Variants in EVC observed in about 807,000 individuals in gnomAD.
The protein encoded by EVC is EvC ciliary complex subunit 1.
A neutral mutation model predicts 118.9 loss-of-function variants in EVC; 116 were observed. The ratio of observed to expected loss-of-function variants is 0.98; its 90% confidence interval spans 0.84 to 1.14. The LOEUF (loss-of-function observed/expected upper bound fraction) is 1.14, where lower values mean the gene tolerates loss of function less well. Ranked by LOEUF, EVC falls within the 50% of genes most tolerant of loss-of-function variation. EVC has a pLI of 0.00. For synonymous variants in EVC, 619 were observed against 534.7 expected (o/e 1.16, Z -2.18); for missense variants, 1,401 against 1,246.4 (o/e 1.12, Z -1.87).
chr4:5,799,376 CTCG>C (rs1208211327), intron 15 of EVC, among the ~76,000 whole-genome samples: 1 of 152,194 alleles, frequency 6.6e-6, no homozygotes, highest in Non-Finnish European at 1.5e-5. Context: ...TTCTTCCTAC[CTCG>C]TCTTGTTGGA....
At chr4:5,806,648 C>T (rs1394550406) in intron 17 of EVC, among the ~76,000 whole-genome samples, 1 of 152,132 alleles carries the variant, frequency 6.6e-6, no homozygotes, top group Non-Finnish European at 1.5e-5. Flanking sequence ...ATGCAATGAA[C>T]ACACGAGAGC....
chr4:5,729,409 A>G lies in EVC; in HGVS notation c.384+19A>G, dbSNP rs200666993. The G allele has an allele frequency of 9.9e-6, 16 of 1,611,294 alleles. No homozygotes were observed. The highest frequency in any genetic ancestry group is 2.2e-5 in the East Asian group (1 of 44,856). On this transcript the variant is annotated intron_variant, in intron 3 of 20. Transcript: ENST00000264956. ...GTTCCGGGTGAGAGTCCTGAGCTCC[A>G]TCATAGAAAGCCAGTTACTTCCGTC...
In EVC at chr4:5,814,000, T is replaced by G. The variant is rs985305545; in HGVS notation, c.*2963T>G. 5 of 152,238 alleles carry G rather than the reference T, an allele frequency of 3.3e-5. No homozygotes were observed. The highest frequency in any genetic ancestry group is 5.9e-5 in the Non-Finnish European group (4 of 68,048). 9.4% of individuals were successfully genotyped at this position (152,238 alleles called of 1,614,324 possible). ...CTGATTAAAATGAGATATGGCTATT[T>G]GGAAGACACTGCATTTTAGCCAGTG... On this transcript the variant is annotated 3_prime_UTR_variant, in exon 21 of 21. Transcript: ENST00000264956.
chr4:5,798,301 C>T lies in EVC; in HGVS notation c.2098-285C>T, dbSNP rs926090763. Among the ~76,000 whole-genome samples, 4 of 152,142 alleles carry T rather than the reference C, an allele frequency of 2.6e-5. No individual in the cohort carries two copies. Among genetic ancestry groups the T allele is most frequent in the Non-Finnish European group, 5.9e-5 (4 of 68,034 alleles). On this transcript the variant is annotated intron_variant, in intron 14 of 20. Coordinates refer to ENST00000264956, the MANE Select transcript of EVC (RefSeq NM_153717.3). This position sits in a 1 kb window ranked among gnomAD's most constrained non-coding sequence, Gnocchi z 4.1. Reference sequence around the variant, plus strand: ...GCTAGTGTTCAGGTCTCATGATGTTCTAGAAGGATGAGCAAGGCCCCCCAT... The same window carrying T: ...GCTAGTGTTCAGGTCTCATGATGTTTTAGAAGGATGAGCAAGGCCCCCCAT...
At chr4:5,794,652 C>T (rs1232217183) in intron 13 of EVC, among the ~76,000 whole-genome samples, 2 of 151,830 alleles carry the variant, frequency 1.3e-5, no homozygotes, top group South Asian at 4.2e-4. Context: ...CTCAAATGAT[C>T]TACCCACCTC....
intron 2 of EVC, among the ~76,000 whole-genome samples, chr4:5,728,736 G>A (rs1726274336): frequency 6.6e-6 from 1 of 152,184 alleles, no homozygotes. Flanking sequence ...ACTCTTGTGT[G>A]TGAATATGAC....
downstream of EVC, among the ~76,000 whole-genome samples, chr4:5,816,658 TCCTTCCCCTCTCTCCCTTCCCTCCC>T (rs1717733834): frequency 1.0e-4 from 11 of 110,536 alleles, no homozygotes; most frequent in Non-Finnish European, 1.3e-4. Context: ...CTTCCCTCCC[TCCTTCCCCTCTCTCCCTTCCCTCCC>T]TCCCTTCCCT....
the EVC span, chr4:5,828,543 A>C: frequency 2.5e-6 from 4 of 1,614,202 alleles, no homozygotes; most frequent in Non-Finnish European, 3.4e-6. Flanking sequence ...CCTTCCGCGG[A>C]ATGAAGCGGC....
Position 5,743,725 on chromosome 4 carries a change from A to T in EVC, c.802-1479A>T, listed in dbSNP as rs1473573303. 6.6e-6 allele frequency among the ~76,000 whole-genome samples: 1 copy of T among 152,202 alleles called. No homozygotes were observed. Among genetic ancestry groups the T allele is most frequent in the Non-Finnish European group, 1.5e-5 (1 of 68,034 alleles). On this transcript the variant is annotated intron_variant, in intron 6 of 20. Transcript: ENST00000264956. This position sits in a 1 kb window ranked among gnomAD's most constrained non-coding sequence, Gnocchi z 4.7. ...CATCATCTTCACTGTCATCCTCAGT[A>T]TCACCACCATGGTCATGGTCCTCAG... is the stretch of plus-strand genomic sequence containing the variant.
intron 15 of EVC, among the ~76,000 whole-genome samples, chr4:5,801,304 C>G (rs543247535): frequency 7.2e-5 from 11 of 152,300 alleles, no homozygotes; most frequent in African/African-American, 2.6e-4. Context: ...CACTGTCACT[C>G]CAGATGTCAG....
At chr4:5,729,075 C>A (rs1726350075) in intron 2 of EVC, among the ~76,000 whole-genome samples, 1 of 151,944 alleles carries the variant, frequency 6.6e-6, no homozygotes, top group Non-Finnish European at 1.5e-5. Flanking sequence ...TATCCATCTG[C>A]CCACCCACCC....
chr4:5,803,814 A>G (rs1276844739), intron 16 of EVC, among the ~76,000 whole-genome samples: 1 of 152,176 alleles, frequency 6.6e-6, no homozygotes, highest in Non-Finnish European at 1.5e-5. Flanking sequence ...CTGATCCTTG[A>G]GTGGGTTTTC....
At chr4:5,821,948 C>A in the EVC span, 1 of 945,912 alleles carries the variant, frequency 1.1e-6, no homozygotes, top group Non-Finnish European at 1.5e-6. This position sits in a 1 kb window ranked among gnomAD's most constrained non-coding sequence, Gnocchi z 4.4. Context: ...CTCCACTGGA[C>A]CCACCTTCAT....
At chr4:5,776,070 G>A (rs1734677332) in intron 11 of EVC, among the ~76,000 whole-genome samples, 1 of 151,074 alleles carries the variant, frequency 6.6e-6, no homozygotes, top group South Asian at 2.1e-4. Flanking sequence ...TTCCTAATTT[G>A]CTAAGTGTGT....
At chr4:5,809,676 C>A (rs1716573124) in intron 19 of EVC, 65 bp downstream of exon 19, 1 of 1,354,206 alleles carries the variant, frequency 7.4e-7, no homozygotes, top group Non-Finnish European at 1.0e-6. Context: ...GATTCTAGTT[C>A]CACACTGGCC....
At chr4:5,821,178 A>G in the EVC span, 1 of 152,748 alleles carries the variant, frequency 6.5e-6, no homozygotes, top group Admixed American at 6.5e-5. The surrounding 1 kb of genome is among the most constrained non-coding windows in gnomAD (Gnocchi z 4.4). Context: ...TTCCCCTGCC[A>G]TTCCGAGAAT....
downstream of EVC, among the ~76,000 whole-genome samples, chr4:5,814,730 C>T (rs1717415433): frequency 6.6e-6 from 1 of 151,958 alleles, no homozygotes; most frequent in African/African-American, 2.4e-5. Context: ...TGGGCCTTTG[C>T]TCATGATGTG....
At position 5,798,171 on chromosome 4, in the gene EVC, C is replaced by T. The variant is rs1232943557; in HGVS notation, c.2098-415C>T. On this transcript the variant is annotated intron_variant, in intron 14 of 20. Coordinates refer to ENST00000264956, the MANE Select transcript of EVC (RefSeq NM_153717.3). This position sits in a 1 kb window ranked among gnomAD's most constrained non-coding sequence, Gnocchi z 4.1. ...CCTCAGAGCCCTGTGTGCCCTGCCT[C>T]AGCTTCTGTGATATCCTGAGACTCA... 6.6e-6 allele frequency among the ~76,000 whole-genome samples: 1 copy of T among 152,204 alleles called. No homozygotes were observed. Among genetic ancestry groups the T allele is most frequent in the Non-Finnish European group, 1.5e-5 (1 of 68,036 alleles).
the EVC span, among the ~76,000 whole-genome samples, chr4:5,828,875 C>A: frequency 1.6e-4 from 24 of 152,164 alleles, no homozygotes; most frequent in African/African-American, 5.5e-4. Flanking sequence ...TGTAGGCTGC[C>A]GGTGGCTTTC....
Sources: allele counts gnomAD v4.1 joint callset (sites outside exome capture counted in the v4.1 genomes callset), GRCh38; gene constraint gnomAD v4.1.1; non-coding constraint Gnocchi (gnomAD v3.1); transcripts MANE v1.5; gene names NCBI Gene and HGNC (gene_info 2026-07-23, HGNC 2026-07-21).